The following MMP9 variants were observed in gnomAD, a reference collection of about 807,000 sequenced individuals.
MMP9 encodes matrix metallopeptidase 9, also known as matrix metalloproteinase-9.
A neutral mutation model predicts 76.4 loss-of-function variants in MMP9; 73 were observed. The observed-to-expected ratio is 0.96, with a 90% confidence interval of 0.79 to 1.16. The LOEUF is 1.16. Ranked by LOEUF, MMP9 falls within the 50% of genes most tolerant of loss-of-function variation. The pLI, the probability that MMP9 is intolerant of heterozygous loss-of-function variation, is 0.00. For synonymous variants in MMP9, 412 were observed against 408.4 expected (o/e 1.01, Z -0.11); for missense variants, 943 against 973.0 (o/e 0.97, Z 0.41).
At position 46,016,499 on chromosome 20, in the gene MMP9, C is replaced by T; in HGVS notation, c.*131C>T. On this transcript the variant is annotated 3_prime_UTR_variant, in exon 13 of 13. Transcript: ENST00000372330. Reference sequence around the variant, plus strand: ...GGGAGGAGTGGAGGTGGGCTGGGCCCTCTCTTCTCACCTTTGTTTTTTGTT... The same window carrying T: ...GGGAGGAGTGGAGGTGGGCTGGGCCTTCTCTTCTCACCTTTGTTTTTTGTT... 2.6e-6 allele frequency: 2 copies of T among 769,950 alleles called. No homozygotes were observed. The highest frequency in any genetic ancestry group is 2.3e-6 in the Non-Finnish European group (1 of 433,092). 47.7% of individuals were successfully genotyped at this position (769,950 alleles called of 1,614,324 possible).
chr20:46,011,117 A>G (rs749769279), intron 4 of MMP9, 26 bp from the exon 5 acceptor site: 19 of 1,613,920 alleles, frequency 1.2e-5, no homozygotes, highest in Admixed American at 1.7e-5. Flanking sequence ...CCGCCGCCCT[A>G]ACTCCGGTCC....
chr20:46,010,513 G>A lies in MMP9; in HGVS notation c.402G>A (p.Arg134=). The change falls in exon 3 of 13, where the codon CGG becomes CGA. Residue 134 remains arginine (R), a synonymous_variant. Transcript: ENST00000372330. ...WIQNYSEDLP[R]AVIDDAFARA... is the part of the protein sequence containing the mutation. ...AAAACTACTCGGAAGACTTGCCGCG[G>A]GCGGTGATTGACGACGCCTTTGCCC... The A allele has an allele frequency of 6.2e-7, 1 of 1,614,204 alleles. No individual in the cohort carries two copies. The highest frequency in any genetic ancestry group is 8.5e-7 in the Non-Finnish European group (1 of 1,180,044).
chr20:46,014,404 G>C lies in MMP9; in HGVS notation c.1935G>C (p.Arg645=). ...FDVKAQMVDP[R]SASEVDRMFP... is the part of the protein sequence containing the mutation. The stretch of plus-strand genomic sequence containing the variant: ...TGAAGGCGCAGATGGTGGATCCCCG[G>C]AGCGCCAGCGAGGTGGACCGGATGT... Residue 645 remains arginine (R), a synonymous_variant, in exon 12 of 13, where the codon CGG becomes CGC. Transcript: ENST00000372330. The C allele has an allele frequency of 6.5e-7, 1 of 1,549,760 alleles. No individual in the cohort carries two copies. Among genetic ancestry groups the C allele is most frequent in the Non-Finnish European group, 8.7e-7 (1 of 1,146,984 alleles).
intron 1 of MMP9, among the ~76,000 whole-genome samples, 168 bp from the exon 2 acceptor site, chr20:46,009,698 G>A (rs567321715): frequency 1.2e-3 from 179 of 152,208 alleles, no homozygotes; most frequent in African/African-American, 4.1e-3. Flanking sequence ...TGAGATGGGA[G>A]GATCGCTTGA....
chr20:46,014,450 A>G lies in MMP9; in HGVS notation c.1981A>G (p.Thr661Ala), dbSNP rs1276124546. 1 of 1,550,562 alleles carries G rather than the reference A, an allele frequency of 6.4e-7. No homozygotes were observed. The highest frequency in any genetic ancestry group is 2.0e-5 in the Admixed American group (1 of 51,012). The change falls in exon 12 of 13, where the codon ACG becomes GCG. Residue 661 changes from threonine (T) to alanine (A), a missense_variant. Transcript: ENST00000372330. Reference sequence around the variant, plus strand: ...GATGTTCCCCGGGGTGCCTTTGGACACGCACGACGTCTTCCAGTACCGAGG... The same window carrying G: ...GATGTTCCCCGGGGTGCCTTTGGACGCGCACGACGTCTTCCAGTACCGAGG... ...DRMFPGVPLDTHDVFQYREKA... is the reference protein window; with the variant it reads ...DRMFPGVPLDAHDVFQYREKA...
chr20:46,012,840 C>A, intron 8 of MMP9, among the ~76,000 whole-genome samples: 1 of 152,202 alleles, frequency 6.6e-6, no homozygotes. Flanking sequence ...CGCCTCTAAT[C>A]CCAGGGCTTT....
chr20:46,014,332 A>C, intron 11 of MMP9, 39 bp from the exon 12 acceptor site: 10 of 1,542,374 alleles, frequency 6.5e-6, no homozygotes, highest in Non-Finnish European at 8.7e-6. Flanking sequence ...TCCGTCCGCT[A>C]GCCGGCTCAG....
chr20:46,014,626 G>A lies in MMP9; in HGVS notation c.2005+152G>A, dbSNP rs546087724. On this transcript the variant is annotated intron_variant, in intron 12 of 12. Transcript: ENST00000372330. ...CCAGCAGAGGCAGAGGCCTTCTCCA[G>A]GTCATTTAGGAAGTCAGGGATGCAA... 610 of 835,456 alleles carry A rather than the reference G, an allele frequency of 7.3e-4. 1 individual carries two copies. The African/African-American group carries it at 8.8e-3, about 12-fold the overall frequency. The allele number at this position is 835,456 out of a possible 1,614,324, so 51.8% of individuals were successfully genotyped here.
chr20:46,010,333 A>AAAAAAC lies in MMP9; in HGVS notation c.372-145_372-144insCAAAAA, dbSNP rs1555856971. On this transcript the variant is annotated intron_variant, in intron 2 of 12. Coordinates refer to ENST00000372330, the MANE Select transcript of MMP9 (RefSeq NM_004994.3). ...GGGTCTAAGTAGACAAAAAAAAAAAAAAAAAAAACAGTCTGGAAGCAATTT... is the reference window on the plus strand; with the variant it reads ...GGGTCTAAGTAGACAAAAAAAAAAAAAAAAACAAAAAAAACAGTCTGGAAGCAATTT... 2.2e-5 allele frequency: 18 copies of AAAAAAC among 828,818 alleles called. 3 individuals are homozygous for AAAAAAC. The African/African-American group carries it at 3.2e-4, about 15-fold the overall frequency. 51.3% of individuals were successfully genotyped at this position (828,818 alleles called of 1,614,324 possible).
intron 12 of MMP9, among the ~76,000 whole-genome samples, chr20:46,015,453 CTTTTTT>C (rs199508388): frequency 5.6e-5 from 7 of 125,594 alleles, no homozygotes; most frequent in African/African-American, 1.5e-4. Flanking sequence ...TTTCTTTTTT[CTTTTTT>C]TTTTTTTTTG....
chr20:46,010,231 C>CCCCA, intron 2 of MMP9, 133 bp downstream of exon 2: 3 of 904,356 alleles, frequency 3.3e-6, no homozygotes, highest in Non-Finnish European at 3.3e-6. Flanking sequence ...TGGGGAGTGT[C>CCCCA]CCCACCTCTG....
At chr20:46,015,453 C>CTTTTTTTTT (rs199508388) in intron 12 of MMP9, among the ~76,000 whole-genome samples, 3 of 125,594 alleles carry the variant, frequency 2.4e-5, no homozygotes, top group African/African-American at 6.1e-5. Flanking sequence ...TTTCTTTTTT[C>CTTTTTTTTT]TTTTTTTTTT....
At position 46,008,971 on chromosome 20, in the gene MMP9, C is replaced by T. The variant is rs28763885; in HGVS notation, c.45C>T (p.Gly15=). The change falls in exon 1 of 13, where the codon GGC becomes GGT. Residue 15 remains glycine (G), a synonymous_variant. Transcript: ENST00000372330. ...QPLVLVLLVL[G]CCFAAPRQRQ... ...TGGTCCTGGTGCTCCTGGTGCTGGG[C>T]TGCTGCTTTGCTGCCCCCAGACAGC... is the stretch of plus-strand genomic sequence containing the variant. 3,309 of 1,613,970 alleles carry T rather than the reference C, an allele frequency of 2.1e-3. 61 individuals carry two copies. In the African/African-American group the frequency reaches 0.039, roughly 19 times the overall value.
rs200671455 is a variant in MMP9, at chr20:46,016,226, C to T, written c.2006-24C>T. ...ATGTGGGAGAATTAGAATCACTCCT[C>T]TTATGCCTGCCTGTCTCCTGCAGAG... On this transcript the variant is annotated intron_variant, in intron 12 of 12. Transcript: ENST00000372330. The T allele has an allele frequency of 4.0e-5, 63 of 1,594,084 alleles. 3 individuals carry two copies. In the Middle Eastern group the frequency reaches 1.2e-3, roughly 29 times the overall value.
intron 12 of MMP9, among the ~76,000 whole-genome samples, chr20:46,015,208 G>T (rs2084311444): frequency 6.6e-6 from 1 of 152,046 alleles, no homozygotes; most frequent in South Asian, 2.1e-4. Flanking sequence ...TATTTACTCT[G>T]CTCCACCCAC....
rs1188291806 is a variant in MMP9 at position 46,012,225 on chromosome 20, C to G, written c.1086C>G (p.Thr362=). 4 of 1,614,172 alleles carry G rather than the reference C, an allele frequency of 2.5e-6. No individual in the cohort carries two copies. The highest frequency in any genetic ancestry group is 3.4e-6 in the Non-Finnish European group (4 of 1,180,048). ...TGGGTAAGGAGTACTCGACCTGTAC[C>G]AGCGAGGGCCGCGGAGATGGGCGCC... ...TFLGKEYSTC[T]SEGRGDGRLW... Residue 362 remains threonine, a synonymous_variant, in exon 7 of 13, where the codon ACC becomes ACG. Transcript: ENST00000372330.
rs148671161 is a variant in MMP9 at position 46,016,287 on chromosome 20, C to T, written c.2043C>T (p.Arg681=). 8.5e-5 allele frequency: 137 copies of T among 1,614,220 alleles called. No individual in the cohort carries two copies. Among genetic ancestry groups the T allele is most frequent in the South Asian group, 5.2e-4 (47 of 91,076 alleles). The change falls in exon 13 of 13, where the codon CGC becomes CGT. Residue 681 remains arginine (R), a synonymous_variant. Coordinates refer to ENST00000372330, the MANE Select transcript of MMP9 (RefSeq NM_004994.3). ...TCTGCCAGGACCGCTTCTACTGGCG[C>T]GTGAGTTCCCGGAGTGAGTTGAACC... is the stretch of plus-strand genomic sequence containing the variant. ...AYFCQDRFYW[R]VSSRSELNQV...
At chr20:46,015,453 C>CT (rs199508388) in intron 12 of MMP9, among the ~76,000 whole-genome samples, 22,669 of 125,504 alleles carry the variant, frequency 0.18, 2,452 homozygotes, top group East Asian at 0.34. Flanking sequence ...TTTCTTTTTT[C>CT]TTTTTTTTTT....
At position 46,014,363 on chromosome 20, in the gene MMP9, GC is replaced by G; in HGVS notation, c.1902-5del. The G allele has an allele frequency of 6.5e-7, 1 of 1,546,846 alleles. No homozygotes were observed. Among genetic ancestry groups the G allele is most frequent in the South Asian group, 1.2e-5 (1 of 84,068 alleles). ...CTCAGCACCTGTCTCCTCCGCGCCT[GC>G]CCGCAGGTTCGACGTGAAGGCGCAG... On this transcript the variant is annotated splice_region_variant and splice_polypyrimidine_tract_variant and intron_variant, in intron 11 of 12. Coordinates refer to ENST00000372330, the MANE Select transcript of MMP9 (RefSeq NM_004994.3).
Sources: gnomAD v4.1 joint callset for allele counts (sites outside exome capture counted in the v4.1 genomes callset) on GRCh38, gnomAD v4.1.1 for gene constraint, MANE v1.5 for transcripts, NCBI Gene and HGNC (gene_info 2026-07-23, HGNC 2026-07-21) for gene names.